MARCHF6: variants seen among roughly 807,000 people sequenced by gnomAD.
MARCHF6 encodes the protein membrane associated ring-CH-type finger 6.
MARCHF6 carries 31 observed loss-of-function variants against 133.7 expected under a neutral mutation model. The ratio of observed to expected loss-of-function variants is 0.23; its 90% CI spans 0.17 to 0.31. The LOEUF is 0.31. Among genes scored for constraint, MARCHF6 ranks in the 10% least tolerant of loss-of-function variants. MARCHF6 has a pLI of 1.00. For synonymous variants in MARCHF6, 395 were observed against 402.5 expected, an observed-to-expected ratio of 0.98 and a Z score of 0.22; for missense variants, 723 against 1,121.6, an observed-to-expected ratio of 0.64 and a Z score of 5.08.
chr5:10,392,034 C>A (rs963373545), intron 7 of MARCHF6, among the ~76,000 whole-genome samples: 8 of 151,412 alleles, frequency 5.3e-5, no homozygotes, highest in African/African-American at 1.7e-4. Context: ...TCTCGGCTCA[C>A]TGCAAGCTCC....
intron 1 of MARCHF6, among the ~76,000 whole-genome samples, chr5:10,376,669 C>T (rs1197424582): frequency 6.6e-6 from 1 of 152,164 alleles, no homozygotes; most frequent in Non-Finnish European, 1.5e-5. Flanking sequence ...GGTTAGCACA[C>T]AGATAGATCT....
chr5:10,410,806 C>G (rs1010812715), intron 18 of MARCHF6, among the ~76,000 whole-genome samples: 1 of 152,142 alleles, frequency 6.6e-6, no homozygotes, highest in African/African-American at 2.4e-5. Flanking sequence ...GAACATCTGT[C>G]GTCCTCTAAC....
chr5:10,371,372 C>T (rs775597563), intron 1 of MARCHF6, among the ~76,000 whole-genome samples: 2 of 152,170 alleles, frequency 1.3e-5, no homozygotes, highest in Non-Finnish European at 2.9e-5. Context: ...CTGATAAAGA[C>T]ATACCTGAGA....
At chr5:10,401,895 T>G (rs1033318785) in intron 11 of MARCHF6, 164 bp from the exon 12 acceptor site, 22 of 596,454 alleles carry the variant, frequency 3.7e-5, no homozygotes, top group Non-Finnish European at 6.6e-5. Context: ...AGTGAGAGAA[T>G]TTGGTTTTCA....
At chr5:10,410,992 T>C (rs1739196508) in intron 18 of MARCHF6, among the ~76,000 whole-genome samples, 1 of 152,120 alleles carries the variant, frequency 6.6e-6, no homozygotes, top group Non-Finnish European at 1.5e-5. Flanking sequence ...ACTTACACCT[T>C]GTGCTTGTAA....
chr5:10,384,625 A>C (rs896742276), intron 4 of MARCHF6, among the ~76,000 whole-genome samples: 1 of 152,222 alleles, frequency 6.6e-6, no homozygotes, highest in African/African-American at 2.4e-5. Context: ...GCCAATAAAC[A>C]CATGAAAAAC....
At chr5:10,355,452 T>C (rs529142306) in intron 1 of MARCHF6, among the ~76,000 whole-genome samples, 98 of 152,342 alleles carry the variant, frequency 6.4e-4, no homozygotes, top group South Asian at 1.7e-3. Flanking sequence ...TGCATACTTT[T>C]ATGGTGTGAC....
intron 15 of MARCHF6, among the ~76,000 whole-genome samples, chr5:10,405,273 G>A (rs553279436): frequency 2.0e-5 from 3 of 151,876 alleles, no homozygotes; most frequent in South Asian, 2.1e-4. Context: ...TTTATTTTTC[G>A]TCTCAGAGGT....
At chr5:10,382,035 G>A in intron 4 of MARCHF6, 92 bp downstream of exon 4, 5 of 1,256,884 alleles carry the variant, frequency 4.0e-6, no homozygotes, top group East Asian at 2.4e-5. Flanking sequence ...TTATTTGACT[G>A]ATGTTTAGTT....
In MARCHF6 at chr5:10,353,843, TC is replaced by T; in HGVS notation, c.-52del. 6.6e-7 allele frequency: 1 copy of T among 1,519,880 alleles called. No individual in the cohort carries two copies. 94.1% of individuals were successfully genotyped at this position (1,519,880 alleles called of 1,614,324 possible). A position where few individuals can be genotyped will look rare whatever the true frequency, so the allele number is the denominator to read the frequency against. Reference sequence around the variant, plus strand: ...TCCCTCCTCCTCTCCCCTCCCTCTTTCCCCGCCCGGCCGCGGGAGCCTCGTG... The same window carrying T: ...TCCCTCCTCCTCTCCCCTCCCTCTTTCCCGCCCGGCCGCGGGAGCCTCGTG... On this transcript the variant is annotated 5_prime_UTR_variant, in exon 1 of 26. Coordinates refer to ENST00000274140, the MANE Select transcript of MARCHF6 (RefSeq NM_005885.4).
intron 22 of MARCHF6, among the ~76,000 whole-genome samples, chr5:10,421,114 A>T (rs981353819): frequency 6.6e-6 from 1 of 152,200 alleles, no homozygotes; most frequent in Admixed American, 6.5e-5. Context: ...TTACTTCTGA[A>T]ATCATCATCA....
At chr5:10,423,172 G>A (rs1739911781) in intron 22 of MARCHF6, among the ~76,000 whole-genome samples, 1 of 150,396 alleles carries the variant, frequency 6.6e-6, no homozygotes, top group Admixed American at 6.7e-5. Context: ...TGGTGGGGAA[G>A]GGGGCTGTGG....
chr5:10,375,235 G>A (rs540676272), intron 1 of MARCHF6, among the ~76,000 whole-genome samples: 24 of 152,240 alleles, frequency 1.6e-4, no homozygotes, highest in African/African-American at 5.8e-4. Context: ...CATGGGCTTG[G>A]TGGGCCTGCA....
At chr5:10,426,560 T>C (rs758118826) in intron 24 of MARCHF6, 38 bp downstream of exon 24, 1 of 1,607,552 alleles carries the variant, frequency 6.2e-7, no homozygotes, top group Non-Finnish European at 8.5e-7. Context: ...AAGGAGCACT[T>C]TTATTAACAT....
At chr5:10,423,301 TCAAGCTA>T (rs1739920303) in intron 22 of MARCHF6, among the ~76,000 whole-genome samples, 3 of 152,176 alleles carry the variant, frequency 2.0e-5, no homozygotes, top group Admixed American at 2.0e-4. Context: ...CACAAATGCT[TCAAGCTA>T]GAAGCTATCT....
intron 17 of MARCHF6, among the ~76,000 whole-genome samples, chr5:10,407,624 G>T (rs1460595460): frequency 6.6e-6 from 1 of 152,136 alleles, no homozygotes; most frequent in Non-Finnish European, 1.5e-5. Context: ...AGGGTACAAG[G>T]CTTGTAGATG....
chr5:10,395,065 CT>C, intron 9 of MARCHF6, among the ~76,000 whole-genome samples: 1 of 152,296 alleles, frequency 6.6e-6, no homozygotes, highest in South Asian at 2.1e-4. Flanking sequence ...TCCCCAAGTG[CT>C]GGGATTACAG....
chr5:10,375,261 C>T (rs944038148), intron 1 of MARCHF6, among the ~76,000 whole-genome samples: 11 of 152,218 alleles, frequency 7.2e-5, no homozygotes, highest in East Asian at 1.9e-4. Context: ...AGCAGCCGGC[C>T]GGCCCTGCCG....
In MARCHF6 at chr5:10,430,016, T is replaced by C. The variant is rs139107265; in HGVS notation, c.2630T>C (p.Ile877Thr). Residue 877 changes from isoleucine to threonine, a missense_variant, in exon 25 of 26, where the codon ATT (isoleucine) becomes ACT (threonine). Coordinates refer to ENST00000274140, the MANE Select transcript of MARCHF6 (RefSeq NM_005885.4). Reference protein sequence around the residue: ...VRQFKRLYEHIKNDKYLVGQR... With the variant: ...VRQFKRLYEHTKNDKYLVGQR... ...CAGTTTAAGCGCCTTTATGAACATA[T>C]TAAAAATGACAAGTAAGTCTGGCGT... 4 of 1,609,740 alleles carry C rather than the reference T, an allele frequency of 2.5e-6. No homozygotes were observed. The highest frequency in any genetic ancestry group is 2.6e-6 in the Non-Finnish European group (3 of 1,176,442).
Sources: allele counts gnomAD v4.1 joint callset (sites outside exome capture counted in the v4.1 genomes callset), GRCh38; gene constraint gnomAD v4.1.1; transcripts MANE v1.5; gene names NCBI Gene and HGNC (gene_info 2026-07-23, HGNC 2026-07-21).